The following GLB1 variants were observed in gnomAD, a reference collection of about 807,000 sequenced individuals.
GLB1 encodes beta-galactosidase.
A neutral mutation model predicts 74.0 loss-of-function variants in GLB1; 56 were observed. The observed-to-expected ratio is 0.76, with a 90% CI of 0.61 to 0.94. The LOEUF (loss-of-function observed/expected upper bound fraction) is 0.94. Among genes scored for constraint, GLB1 ranks in the 40% least tolerant of loss-of-function variants. GLB1 has a pLI of 0.00. For missense variants in GLB1, 787 were observed against 845.5 expected (o/e 0.93, Z 0.86); for synonymous variants, 323 against 323.6 (o/e 1.00, Z 0.02).
intron 1 of GLB1, chr3:33,094,258 C>T (rs991638770): frequency 6.6e-7 from 1 of 1,525,946 alleles, no homozygotes; most frequent in African/African-American, 1.4e-5. Context: ...AAATGAGTTC[C>T]TTAGAAAGGA....
rs1699933312 is a variant in GLB1 at position 33,072,774 on chromosome 3, C to A, written c.76-61G>T. 1.6e-5 allele frequency: 26 copies of A among 1,608,030 alleles called. No homozygotes were observed. In the South Asian group the frequency reaches 2.6e-4, roughly 16 times the overall value. The stretch of plus-strand genomic sequence containing the variant: ...ACCTTCTGCATTTCAGAAGCCGATC[C>A]TTTGAGAGTAGCAAGTGACTCTCTG... On this transcript the variant is annotated intron_variant, in intron 1 of 15. Transcript: ENST00000307363.
At chr3:33,008,945 C>A (rs1470080820) in intron 15 of GLB1, among the ~76,000 whole-genome samples, 2 of 151,708 alleles carry the variant, frequency 1.3e-5, no homozygotes. Context: ...CATGGAGAAA[C>A]CCCGTCTCTA....
intron 2 of GLB1, 100 bp downstream of exon 2, chr3:33,072,444 T>C: frequency 7.7e-6 from 12 of 1,558,618 alleles, no homozygotes; most frequent in Non-Finnish European, 1.0e-5. Context: ...CCATTTCCCA[T>C]TTCTGAGCAA....
intron 10 of GLB1, among the ~76,000 whole-genome samples, chr3:33,039,289 CAAA>C (rs35066652): frequency 1.4e-3 from 127 of 93,154 alleles, no homozygotes; most frequent in African/African-American, 3.7e-3. Flanking sequence ...GACTCTGTCT[CAAA>C]AAAAAAAAAA....
At chr3:33,045,151 A>G (rs996488433) in intron 10 of GLB1, among the ~76,000 whole-genome samples, 1 of 152,196 alleles carries the variant, frequency 6.6e-6, no homozygotes, top group Non-Finnish European at 1.5e-5. Context: ...GATGGCTTAC[A>G]TACGTTCTTT....
intron 6 of GLB1, among the ~76,000 whole-genome samples, chr3:33,055,729 A>G (rs113550581): frequency 0.033 from 4,953 of 149,142 alleles, 266 homozygotes; most frequent in African/African-American, 0.11. Context: ...GGCCTCCCAA[A>G]CTGCTGGGAT....
the GLB1 span, among the ~76,000 whole-genome samples, chr3:32,982,676 T>A: frequency 6.6e-6 from 1 of 152,216 alleles, no homozygotes; most frequent in African/African-American, 2.4e-5. Flanking sequence ...GTCATGAATT[T>A]AATATTTGTT....
intron 1 of GLB1, chr3:33,096,628 G>A (rs1701041323): frequency 9.3e-7 from 1 of 1,069,568 alleles, no homozygotes; most frequent in South Asian, 3.2e-5. Flanking sequence ...GGAAAGCGAG[G>A]GCGCCCCAAA....
chr3:33,023,813 T>G (rs1364788965), intron 11 of GLB1, among the ~76,000 whole-genome samples: 1 of 152,220 alleles, frequency 6.6e-6, no homozygotes, highest in East Asian at 1.9e-4. Context: ...GACATGACTT[T>G]GAGATGGAGG....
At chr3:33,064,773 T>C in intron 5 of GLB1, among the ~76,000 whole-genome samples, 2 of 8,796 alleles carry the variant, frequency 2.3e-4, no homozygotes, top group Non-Finnish European at 4.6e-4. Flanking sequence ...TGAGACTCTC[T>C]CTCAAAAAAA....
chr3:33,009,987 C>T (rs1213643872), intron 15 of GLB1, among the ~76,000 whole-genome samples: 1 of 152,228 alleles, frequency 6.6e-6, no homozygotes, highest in Non-Finnish European at 1.5e-5. Flanking sequence ...TACATGCTTT[C>T]TCCACTTGTC....
chr3:32,979,430 C>T, the GLB1 span, among the ~76,000 whole-genome samples: 7 of 152,108 alleles, frequency 4.6e-5, no homozygotes, highest in Admixed American at 6.5e-5. Flanking sequence ...CTATTGAATA[C>T]GTATTTTTCT....
chr3:33,045,489 T>G (rs1020654620), intron 10 of GLB1: 1 of 988,340 alleles, frequency 1.0e-6, no homozygotes, highest in Non-Finnish European at 1.2e-6. Flanking sequence ...GGGCCACACA[T>G]AAAAAGGAAA....
At chr3:33,072,085 G>T (rs959814567) in intron 2 of GLB1, among the ~76,000 whole-genome samples, 3 of 152,140 alleles carry the variant, frequency 2.0e-5, no homozygotes, top group African/African-American at 7.2e-5. Flanking sequence ...CTTTTTGTAT[G>T]ACTACAGCCA....
chr3:33,093,850 AG>A lies in GLB1; in HGVS notation c.75+3160del. 6.2e-7 allele frequency: 1 copy of A among 1,613,770 alleles called. No individual in the cohort carries two copies. Among genetic ancestry groups the A allele is most frequent in the Non-Finnish European group, 8.5e-7 (1 of 1,179,838 alleles). ...GCACCCAGGCAGGAGTAGGCCGCCA[AG>A]GAAAAGAGATAGGGCTCTTCGGCCA... On this transcript the variant is annotated intron_variant, in intron 1 of 15. Transcript: ENST00000307363. This position sits in a 1 kb window ranked among gnomAD's most constrained non-coding sequence, Gnocchi z 6.0.
intron 9 of GLB1, 58 bp from the exon 10 acceptor site, chr3:33,046,290 C>A: frequency 2.5e-6 from 4 of 1,598,090 alleles, no homozygotes; most frequent in Non-Finnish European, 3.4e-6. Flanking sequence ...GGGACAAGTT[C>A]TTTGGGATCC....
At chr3:32,984,761 G>A in the GLB1 span, among the ~76,000 whole-genome samples, 1 of 151,984 alleles carries the variant, frequency 6.6e-6, no homozygotes, top group African/African-American at 2.4e-5. Flanking sequence ...GGCTAACACA[G>A]TGAAACCCCG....
intron 1 of GLB1, among the ~76,000 whole-genome samples, chr3:33,079,192 A>G (rs1700235753): frequency 6.6e-6 from 1 of 152,186 alleles, no homozygotes; most frequent in South Asian, 2.1e-4. Context: ...AGAGGTAGGT[A>G]TTGCCTGGGA....
intron 5 of GLB1, among the ~76,000 whole-genome samples, chr3:33,059,199 G>T (rs1487123006): frequency 6.6e-6 from 1 of 150,688 alleles, no homozygotes; most frequent in East Asian, 2.0e-4. Flanking sequence ...GGTAAAAATT[G>T]ATGCTTTGGG....
Sources: allele counts gnomAD v4.1 joint callset (sites outside exome capture counted in the v4.1 genomes callset), GRCh38; gene constraint gnomAD v4.1.1; non-coding constraint Gnocchi (gnomAD v3.1); transcripts MANE v1.5; gene names NCBI Gene and HGNC (gene_info 2026-07-23, HGNC 2026-07-21).